TMEM119: variants seen among roughly 807,000 people sequenced by gnomAD.
TMEM119 encodes the protein transmembrane protein 119.
For missense variants in TMEM119, 410 were observed against 381.0 expected (o/e 1.08, Z -0.63); for synonymous variants, 182 against 176.4 (o/e 1.03, Z -0.25).
Position 108,592,220 on chromosome 12 carries a change from G to C in TMEM119, c.164C>G (p.Pro55Arg). ...GCTGAGGGCCGGGGTCCAGGGTGGC[G>C]GGAGGCTCGGGGAGGAGGCCGACGA... ...EGSSASSPSL[P>R]PPWTPALSPT... is the part of the protein sequence containing the mutation. Residue 55 changes from proline to arginine, a missense_variant, in exon 2 of 2, where the codon CCG (proline) becomes CGG (arginine). By Grantham distance (103) the Pro-to-Arg change is moderately radical (BLOSUM62 -2). Transcript: ENST00000392806. This position sits in a 1 kb window ranked among gnomAD's most constrained non-coding sequence, Gnocchi z 4.3. 6.2e-7 allele frequency: 1 copy of C among 1,611,750 alleles called. No homozygotes were observed. The highest frequency in any genetic ancestry group is 8.5e-7 in the Non-Finnish European group (1 of 1,179,298).
intron 1 of TMEM119, among the ~76,000 whole-genome samples, chr12:108,597,336 G>T (rs374927728): frequency 3.3e-5 from 5 of 152,188 alleles, no homozygotes; most frequent in Admixed American, 1.3e-4. Flanking sequence ...GTGGCCTTGT[G>T]GGGGAGGGGT....
chr12:108,595,314 A>C (rs938162214), intron 1 of TMEM119, among the ~76,000 whole-genome samples: 2 of 149,162 alleles, frequency 1.3e-5, no homozygotes, highest in Non-Finnish European at 3.0e-5. Flanking sequence ...CACACACGCC[A>C]CACACACACA....
In TMEM119 at chr12:108,592,430, C is replaced by A; in HGVS notation, c.-14-33G>T. ...ACAGGAGGGAGGAGAGAAGTCATGGCGGAACTCTAGAGTGTCAGGATTCAG... is the reference window on the plus strand; with the variant it reads ...ACAGGAGGGAGGAGAGAAGTCATGGAGGAACTCTAGAGTGTCAGGATTCAG... On this transcript the variant is annotated intron_variant, in intron 1 of 1. Transcript: ENST00000392806. The surrounding 1 kb of genome is among the most constrained non-coding windows in gnomAD (Gnocchi z 4.3). 1 of 1,515,096 alleles carries A rather than the reference C, an allele frequency of 6.6e-7. No individual in the cohort carries two copies. The highest frequency in any genetic ancestry group is 8.8e-7 in the Non-Finnish European group (1 of 1,138,236). 93.9% of individuals were successfully genotyped at this position (1,515,096 alleles called of 1,614,324 possible). A position where few individuals can be genotyped will look rare whatever the true frequency, so the allele number is the denominator to read the frequency against.
Position 108,592,271 on chromosome 12 carries a change from A to G in TMEM119, c.113T>C (p.Val38Ala). The change falls in exon 2 of 2, where the codon GTG becomes GCG. Residue 38 changes from valine (V) to alanine (A), a missense_variant. Val to Ala is a moderately conservative substitution (Grantham distance 64). Coordinates refer to ENST00000392806, the MANE Select transcript of TMEM119 (RefSeq NM_181724.3). The surrounding 1 kb of genome is among the most constrained non-coding windows in gnomAD (Gnocchi z 4.3). ...GCCCTCGGCCTCCCCACTACCCGCCACATCCTCCAGGAACGTGGCCTTCAG... is the reference window on the plus strand; with the variant it reads ...GCCCTCGGCCTCCCCACTACCCGCCGCATCCTCCAGGAACGTGGCCTTCAG... ...VPLKATFLED[V>A]AGSGEAEGSS... The G allele has an allele frequency of 1.9e-6, 3 of 1,609,772 alleles. No homozygotes were observed. The highest frequency in any genetic ancestry group is 2.5e-6 in the Non-Finnish European group (3 of 1,178,936).
At position 108,592,163 on chromosome 12, in the gene TMEM119, A is replaced by G; in HGVS notation, c.221T>C (p.Leu74Pro). 1.2e-6 allele frequency: 2 copies of G among 1,613,758 alleles called. No homozygotes were observed. Among genetic ancestry groups the G allele is most frequent in the Non-Finnish European group, 1.7e-6 (2 of 1,179,904 alleles). Residue 74 changes from leucine (L) to proline (P), a missense_variant, in exon 2 of 2, where the codon CTG becomes CCG. Coordinates refer to ENST00000392806, the MANE Select transcript of TMEM119 (RefSeq NM_181724.3). This position sits in a 1 kb window ranked among gnomAD's most constrained non-coding sequence, Gnocchi z 4.3. Reference sequence around the variant, plus strand: ...GTTGGTGGGGGGTGATGGGCCCCCCAGGGTTATGGGCTGGGGCCCCATCGA... The same window carrying G: ...GTTGGTGGGGGGTGATGGGCCCCCCGGGGTTATGGGCTGGGGCCCCATCGA... ...PTSMGPQPIT[L>P]GGPSPPTNFL...
intron 1 of TMEM119, among the ~76,000 whole-genome samples, chr12:108,597,017 T>C (rs937235626): frequency 2.0e-5 from 3 of 152,178 alleles, no homozygotes; most frequent in Non-Finnish European, 2.9e-5. Flanking sequence ...ACAATGGGGA[T>C]AAGAGCCACC....
In TMEM119 at chr12:108,596,790, C is replaced by CT. The variant is rs768667558; in HGVS notation, c.-15+1179dup. On this transcript the variant is annotated intron_variant, in intron 1 of 1. Coordinates refer to ENST00000392806, the MANE Select transcript of TMEM119 (RefSeq NM_181724.3). ...TCAGAATCTAACAGGCCATTAGGAG[C>CT]TGGGGTCAGGCCCAACGCCTCTTGC... is the stretch of plus-strand genomic sequence containing the variant. Among the ~76,000 whole-genome samples, 9 of 152,368 alleles carry CT rather than the reference C, an allele frequency of 5.9e-5. No homozygotes were observed. In the East Asian group the frequency reaches 1.5e-3, roughly 26 times the overall value.
Position 108,595,562 on chromosome 12 carries a change from C to T in TMEM119, c.-15+2408G>A, listed in dbSNP as rs370820388. Among the ~76,000 whole-genome samples, 983 of 151,608 alleles carry T rather than the reference C, an allele frequency of 6.5e-3. 15 individuals are homozygous for T. The highest frequency in any genetic ancestry group is 0.023 in the African/African-American group (940 of 41,312). ...ACGTACACACATGCCCCACACACAC[C>T]CCTATACACACATTCACATACTACA... is the stretch of plus-strand genomic sequence containing the variant. On this transcript the variant is annotated intron_variant, in intron 1 of 1. Coordinates refer to ENST00000392806, the MANE Select transcript of TMEM119 (RefSeq NM_181724.3).
At chr12:108,597,568 T>C (rs559623649) in intron 1 of TMEM119, among the ~76,000 whole-genome samples, 2 of 151,538 alleles carry the variant, frequency 1.3e-5, no homozygotes, top group Non-Finnish European at 2.9e-5. Flanking sequence ...TCATGGCCCA[T>C]GCACACAATA....
Position 108,590,928 on chromosome 12 carries a change from A to G in TMEM119, c.*604T>C, listed in dbSNP as rs2136738196. On this transcript the variant is annotated 3_prime_UTR_variant, in exon 2 of 2. Transcript: ENST00000392806. ...CAGTTTCAAAATACTGCTTCACGCC[A>G]GGCTGCATGTTGCCTTACGAACGCT... is the stretch of plus-strand genomic sequence containing the variant. 6.6e-6 allele frequency: 1 copy of G among 152,390 alleles called. No individual in the cohort carries two copies. Among genetic ancestry groups the G allele is most frequent in the East Asian group, 1.9e-4 (1 of 5,188 alleles). The allele number at this position is 152,390 out of a possible 1,614,324, so 9.4% of individuals were successfully genotyped here.
intron 1 of TMEM119, among the ~76,000 whole-genome samples, chr12:108,595,368 T>C (rs903127285): frequency 1.8e-5 from 2 of 110,350 alleles, no homozygotes; most frequent in African/African-American, 3.9e-5. Context: ...CATACACACA[T>C]GCACACACAC....
chr12:108,592,346 A>C lies in TMEM119; in HGVS notation c.38T>G (p.Leu13Arg). 6.3e-7 allele frequency: 1 copy of C among 1,579,898 alleles called. No homozygotes were observed. The highest frequency in any genetic ancestry group is 8.5e-7 in the Non-Finnish European group (1 of 1,169,876). Residue 13 changes from leucine to arginine, a missense_variant, in exon 2 of 2, where the codon CTG (leucine) becomes CGG (arginine). Physicochemically the swap from Leu to Arg is moderately radical, Grantham distance 102. Coordinates refer to ENST00000392806, the MANE Select transcript of TMEM119 (RefSeq NM_181724.3). The surrounding 1 kb of genome is among the most constrained non-coding windows in gnomAD (Gnocchi z 4.3). ...AGGCACAGACCCCAGGAGCAGCAAC[A>C]GAAGGATGAGGAGGCTGGGGGCTGC... ...SAAAPSLLIL[L>R]LLLLGSVPAT... is the part of the protein sequence containing the mutation.
In TMEM119 at chr12:108,592,828, G is replaced by A. The variant is rs981897033; in HGVS notation, c.-14-431C>T. Among the ~76,000 whole-genome samples the A allele has an allele frequency of 6.6e-6, 1 of 152,122 alleles. No individual in the cohort carries two copies. The highest frequency in any genetic ancestry group is 1.5e-5 in the Non-Finnish European group (1 of 68,020). ...GTTCTATGATTAGGCCCATTTTGCA[G>A]ATGAAAAAACAGAGGCTGAGAGGGA... On this transcript the variant is annotated intron_variant, in intron 1 of 1. Coordinates refer to ENST00000392806, the MANE Select transcript of TMEM119 (RefSeq NM_181724.3). The surrounding 1 kb of genome is among the most constrained non-coding windows in gnomAD (Gnocchi z 4.3).
intron 1 of TMEM119, among the ~76,000 whole-genome samples, chr12:108,595,360 T>TAC (rs141084096): frequency 0.56 from 80,259 of 143,418 alleles, 23,080 homozygotes; most frequent in East Asian, 0.85. Context: ...TACACAATCA[T>TAC]ACACACATGC....
chr12:108,596,258 T>C (rs1400368368), intron 1 of TMEM119, among the ~76,000 whole-genome samples: 1 of 152,102 alleles, frequency 6.6e-6, no homozygotes, highest in Non-Finnish European at 1.5e-5. Flanking sequence ...GATGGGAACA[T>C]GCGCTCACTG....
chr12:108,597,424 T>G (rs1034205522), intron 1 of TMEM119, among the ~76,000 whole-genome samples: 2 of 151,430 alleles, frequency 1.3e-5, no homozygotes, highest in Admixed American at 6.6e-5. Flanking sequence ...GAGGTCTGGA[T>G]GGGGAGGGGG....
At chr12:108,597,376 G>A (rs1433476972) in intron 1 of TMEM119, among the ~76,000 whole-genome samples, 4 of 151,884 alleles carry the variant, frequency 2.6e-5, no homozygotes, top group African/African-American at 9.7e-5. Context: ...ACATGCCCCC[G>A]ACCCCAGGGC....
chr12:108,595,408 C>T (rs1283162438), intron 1 of TMEM119, among the ~76,000 whole-genome samples: 1 of 151,102 alleles, frequency 6.6e-6, no homozygotes, highest in Non-Finnish European at 1.5e-5. Context: ...ACATACCACA[C>T]ACACACTCAC....
rs1027044754 is a variant in TMEM119 at position 108,596,136 on chromosome 12, G to C, written c.-15+1834C>G. 1.1e-4 allele frequency among the ~76,000 whole-genome samples: 16 copies of C among 152,314 alleles called. No homozygotes were observed. The South Asian group carries it at 3.3e-3, about 32-fold the overall frequency. Reference sequence around the variant, plus strand: ...TTCAGAGAGTGCCTGGTGCGAAGTAGCTGAGCCCCGAGGAAAGATAGGGTC... The same window carrying C: ...TTCAGAGAGTGCCTGGTGCGAAGTACCTGAGCCCCGAGGAAAGATAGGGTC... On this transcript the variant is annotated intron_variant, in intron 1 of 1. Coordinates refer to ENST00000392806, the MANE Select transcript of TMEM119 (RefSeq NM_181724.3).
Sources: gnomAD v4.1 joint callset for allele counts (sites outside exome capture counted in the v4.1 genomes callset) on GRCh38, gnomAD v4.1.1 for gene constraint, Gnocchi (gnomAD v3.1) non-coding constraint, MANE v1.5 for transcripts, NCBI Gene and HGNC (gene_info 2026-07-23, HGNC 2026-07-21) for gene names.